The following GALNT18 variants were observed in gnomAD, a reference collection of about 807,000 sequenced individuals.
The protein encoded by GALNT18 is GalNAc-transferase 18.
A neutral mutation model predicts 69.5 loss-of-function variants in GALNT18; 44 were observed. That is an observed-to-expected ratio of 0.63 (90% confidence interval 0.50 to 0.81). The LOEUF (loss-of-function observed/expected upper bound fraction) is 0.81, where lower values mean the gene tolerates loss of function less well. Among genes scored for constraint, GALNT18 ranks in the 40% least tolerant of loss-of-function variants. The probability of loss-of-function intolerance (pLI) is 0.00; values close to 1 mark genes in which losing one functional copy is unlikely to be tolerated. For missense variants in GALNT18, 715 were observed against 810.0 expected, an observed-to-expected ratio of 0.88 and a Z score of 1.42; for synonymous variants, 364 against 318.2, an observed-to-expected ratio of 1.14 and a Z score of -1.53.
intron 6 of GALNT18, among the ~76,000 whole-genome samples, chr11:11,348,018 C>A (rs1250401657): frequency 6.6e-6 from 1 of 152,066 alleles, no homozygotes; most frequent in East Asian, 1.9e-4. Flanking sequence ...CTCCAGGCAT[C>A]CTCCAATTTT....
At chr11:11,346,209 C>G (rs1272838758) in intron 6 of GALNT18, among the ~76,000 whole-genome samples, 2 of 152,210 alleles carry the variant, frequency 1.3e-5, no homozygotes, top group African/African-American at 2.4e-5. Flanking sequence ...ATGTCTGTCT[C>G]CCTTCACTGG....
rs999978828 is a variant in GALNT18 at position 11,340,035 on chromosome 11, C to T, written c.1278+784G>A. On this transcript the variant is annotated intron_variant, in intron 7 of 10. Coordinates refer to ENST00000227756, the MANE Select transcript of GALNT18 (RefSeq NM_198516.3). The surrounding 1 kb of genome is among the most constrained non-coding windows in gnomAD (Gnocchi z 4.2). ...TGATAGCTCTGTCTCACACAGAATG[C>T]AACATAAGCAATGAACTCTAGGCAG... Among the ~76,000 whole-genome samples the T allele has an allele frequency of 6.6e-6, 1 of 152,136 alleles. No individual in the cohort carries two copies. Among genetic ancestry groups the T allele is most frequent in the African/African-American group, 2.4e-5 (1 of 41,430 alleles).
chr11:11,574,439 C>T (rs921971039), intron 1 of GALNT18, among the ~76,000 whole-genome samples: 1 of 152,188 alleles, frequency 6.6e-6, no homozygotes, highest in East Asian at 1.9e-4. Flanking sequence ...GATATCAAAA[C>T]ATAAGAACCT....
intron 3 of GALNT18, among the ~76,000 whole-genome samples, chr11:11,394,237 A>C (rs1854267699): frequency 6.6e-6 from 1 of 152,172 alleles, no homozygotes; most frequent in Non-Finnish European, 1.5e-5. Flanking sequence ...TCCTAGGAGG[A>C]TAAAGGGGGC....
Position 11,603,509 on chromosome 11 carries a change from C to T in GALNT18, c.235+17850G>A, listed in dbSNP as rs1198634747. On this transcript the variant is annotated intron_variant, in intron 1 of 10. Coordinates refer to ENST00000227756, the MANE Select transcript of GALNT18 (RefSeq NM_198516.3). The surrounding 1 kb of genome is among the most constrained non-coding windows in gnomAD (Gnocchi z 4.5). ...CCAGTTTTGAAATGATACACAGCAC[C>T]CACCCCCTCAACCATCAGAGCAACA... Among the ~76,000 whole-genome samples, 1 of 152,104 alleles carries T rather than the reference C, an allele frequency of 6.6e-6. No individual in the cohort carries two copies. The highest frequency in any genetic ancestry group is 1.5e-5 in the Non-Finnish European group (1 of 68,018).
At chr11:11,508,299 A>T (rs1857106948) in intron 1 of GALNT18, among the ~76,000 whole-genome samples, 1 of 152,122 alleles carries the variant, frequency 6.6e-6, no homozygotes, top group Non-Finnish European at 1.5e-5. Flanking sequence ...GAGGTAGGAG[A>T]TCTTATAATG....
chr11:11,311,694 A>G (rs993276284), intron 9 of GALNT18, among the ~76,000 whole-genome samples: 14 of 152,186 alleles, frequency 9.2e-5, no homozygotes, highest in Admixed American at 2.6e-4. Flanking sequence ...GCTGGCTTCT[A>G]TCCCAGTAGG....
intron 2 of GALNT18, among the ~76,000 whole-genome samples, chr11:11,433,304 A>T (rs1051097103): frequency 6.6e-6 from 1 of 152,142 alleles, no homozygotes; most frequent in African/African-American, 2.4e-5. Context: ...CCTGCTTCTC[A>T]CTCATCACAG....
intron 3 of GALNT18, among the ~76,000 whole-genome samples, chr11:11,385,992 C>G (rs58506236): frequency 1.4e-4 from 22 of 151,920 alleles, no homozygotes. Context: ...TATCTCTAAG[C>G]CAAGGCCTGT....
At chr11:11,284,823 G>C (rs1849157973) in intron 10 of GALNT18, among the ~76,000 whole-genome samples, 2 of 57,078 alleles carry the variant, frequency 3.5e-5, no homozygotes, top group African/African-American at 1.1e-4. Flanking sequence ...AAGAAACCCT[G>C]AGATTAAGTC....
rs1344984751 is a variant in GALNT18, at chr11:11,469,748, C to T, written c.236-20812G>A. On this transcript the variant is annotated intron_variant, in intron 1 of 10. Coordinates refer to ENST00000227756, the MANE Select transcript of GALNT18 (RefSeq NM_198516.3). This position sits in a 1 kb window ranked among gnomAD's most constrained non-coding sequence, Gnocchi z 4.2. ...TTGTTGGGGAATGAGTATAGGCTCC[C>T]TTAGGTGTTTTCAGCTTCCTCTTGC... is the stretch of plus-strand genomic sequence containing the variant. 1.3e-5 allele frequency among the ~76,000 whole-genome samples: 2 copies of T among 152,272 alleles called. No individual in the cohort carries two copies. The highest frequency in any genetic ancestry group is 2.9e-5 in the Non-Finnish European group (2 of 68,026).
chr11:11,285,337 T>C (rs1029230753), intron 10 of GALNT18, among the ~76,000 whole-genome samples: 2 of 152,186 alleles, frequency 1.3e-5, no homozygotes, highest in Non-Finnish European at 2.9e-5. Context: ...GGGATAATTA[T>C]AGTAAGTACC....
In GALNT18 at chr11:11,586,959, G is replaced by A. The variant is rs1859242888; in HGVS notation, c.235+34400C>T. On this transcript the variant is annotated intron_variant, in intron 1 of 10. Coordinates refer to ENST00000227756, the MANE Select transcript of GALNT18 (RefSeq NM_198516.3). This position sits in a 1 kb window ranked among gnomAD's most constrained non-coding sequence, Gnocchi z 4.1. The stretch of plus-strand genomic sequence containing the variant: ...GCCGAGATCGTGTCAAAGCACTCCA[G>A]CCTGGGGAACAAGAGTGAAACCCCA... 6.6e-6 allele frequency among the ~76,000 whole-genome samples: 1 copy of A among 152,106 alleles called. No homozygotes were observed.
In GALNT18 at chr11:11,305,473, A is replaced by G. The variant is rs529160740; in HGVS notation, c.1513-12280T>C. ...AGGAAAAGTACAAGAAACTTTGAAC[A>G]TATATACCAATGAGACTTGATCCAT... is the stretch of plus-strand genomic sequence containing the variant. On this transcript the variant is annotated intron_variant, in intron 9 of 10. Coordinates refer to ENST00000227756, the MANE Select transcript of GALNT18 (RefSeq NM_198516.3). Among the ~76,000 whole-genome samples, 9 of 152,312 alleles carry G rather than the reference A, an allele frequency of 5.9e-5. No individual in the cohort carries two copies. In the South Asian group the frequency reaches 1.7e-3, roughly 28 times the overall value.
At chr11:11,475,897 C>T (rs1856384158) in intron 1 of GALNT18, 1 of 152,070 alleles carries the variant, frequency 6.6e-6, no homozygotes, top group Non-Finnish European at 1.5e-5. Flanking sequence ...ACCCTGACTC[C>T]AGTCTACACA....
Position 11,496,972 on chromosome 11 carries a change from T to C in GALNT18, c.236-48036A>G, listed in dbSNP as rs59163463. ...CTCACCTGGTAGAGCACCCAAATACTCCACCGTGGTCTCCAAGGGCCTCAT... is the reference window on the plus strand; with the variant it reads ...CTCACCTGGTAGAGCACCCAAATACCCCACCGTGGTCTCCAAGGGCCTCAT... On this transcript the variant is annotated intron_variant, in intron 1 of 10. Transcript: ENST00000227756. This position sits in a 1 kb window ranked among gnomAD's most constrained non-coding sequence, Gnocchi z 4.0. Among the ~76,000 whole-genome samples, 1,838 of 152,178 alleles carry C rather than the reference T, an allele frequency of 0.012. 41 individuals are homozygous for C. Among genetic ancestry groups the C allele is most frequent in the African/African-American group, 0.039 (1,611 of 41,514 alleles).
At chr11:11,577,137 G>C (rs1858944317) in intron 1 of GALNT18, among the ~76,000 whole-genome samples, 1 of 152,216 alleles carries the variant, frequency 6.6e-6, no homozygotes. Context: ...TCACACATCT[G>C]CAGTGCGGAT....
chr11:11,446,451 T>G (rs1424336084), intron 2 of GALNT18, among the ~76,000 whole-genome samples: 1 of 152,186 alleles, frequency 6.6e-6, no homozygotes, highest in Non-Finnish European at 1.5e-5. Flanking sequence ...CCAAGTCCCC[T>G]GCAGGAACTA....
At position 11,500,045 on chromosome 11, in the gene GALNT18, A is replaced by G. The variant is rs1315651847; in HGVS notation, c.236-51109T>C. Among the ~76,000 whole-genome samples the G allele has an allele frequency of 6.6e-6, 1 of 152,240 alleles. No homozygotes were observed. The highest frequency in any genetic ancestry group is 1.9e-4 in the East Asian group (1 of 5,194). ...AAAGAAAAAAGATCAAGAGAAAGGG[A>G]GCAAAATCAAAAAGAGAGGCCAAGC... On this transcript the variant is annotated intron_variant, in intron 1 of 10. Coordinates refer to ENST00000227756, the MANE Select transcript of GALNT18 (RefSeq NM_198516.3). The surrounding 1 kb of genome is among the most constrained non-coding windows in gnomAD (Gnocchi z 5.0).
Sources: gnomAD v4.1 joint callset for allele counts (sites outside exome capture counted in the v4.1 genomes callset) on GRCh38, gnomAD v4.1.1 for gene constraint, Gnocchi (gnomAD v3.1) non-coding constraint, MANE v1.5 for transcripts, NCBI Gene and HGNC (gene_info 2026-07-23, HGNC 2026-07-21) for gene names.